Variants in ARAP2 observed in about 807,000 individuals in gnomAD.
ARAP2 encodes arf-GAP with Rho-GAP domain, ANK repeat and PH domain-containing protein 2.
In ARAP2, 148 loss-of-function variants were observed where a neutral mutation model predicts 194.5. The observed-to-expected ratio is 0.76, with a 90% CI of 0.67 to 0.87. ARAP2 has a LOEUF of 0.87. Among genes scored for constraint, ARAP2 ranks in the 40% least tolerant of loss-of-function variants. The pLI is 0.00. For synonymous variants in ARAP2, 695 were observed against 683.5 expected (o/e 1.02, Z -0.26); for missense variants, 2,128 against 1,989.7 (o/e 1.07, Z -1.32).
chr4:36,235,672 T>C (rs979536367), intron 1 of ARAP2, among the ~76,000 whole-genome samples: 6 of 152,206 alleles, frequency 3.9e-5, no homozygotes, highest in African/African-American at 1.2e-4. Context: ...ATTTCTCCCT[T>C]GCTTTGTGAT....
At chr4:36,175,944 C>A (rs1737809560) in intron 9 of ARAP2, among the ~76,000 whole-genome samples, 1 of 152,168 alleles carries the variant, frequency 6.6e-6, no homozygotes, top group East Asian at 1.9e-4. Context: ...GACTTGTGTC[C>A]TTCTCAGTAA....
rs571072990 is a variant in ARAP2 at position 36,201,345 on chromosome 4, G to A, written c.1488-7698C>T. 3.3e-5 allele frequency among the ~76,000 whole-genome samples: 5 copies of A among 152,238 alleles called. No homozygotes were observed. The South Asian group carries it at 1.0e-3, about 32-fold the overall frequency. ...AGTACATTTTATAGCTAAGTACCCA[G>A]GACATCCCTGTAGGTAGTAATAACA... On this transcript the variant is annotated intron_variant, in intron 6 of 32. Transcript: ENST00000303965.
intron 31 of ARAP2, among the ~76,000 whole-genome samples, chr4:36,075,992 G>A (rs893110401): frequency 1.3e-5 from 2 of 152,038 alleles, no homozygotes; most frequent in Admixed American, 6.6e-5. Context: ...CGTCACATGT[G>A]GTGATCTCAC....
chr4:36,124,312 TA>T (rs1286429780), intron 22 of ARAP2, among the ~76,000 whole-genome samples: 22 of 150,674 alleles, frequency 1.5e-4, no homozygotes, highest in East Asian at 9.7e-4. Context: ...TGCTAAGATT[TA>T]AAAAAAAAAC....
intron 10 of ARAP2, among the ~76,000 whole-genome samples, chr4:36,165,803 T>C (rs1735157368): frequency 6.6e-6 from 1 of 152,162 alleles, no homozygotes; most frequent in Non-Finnish European, 1.5e-5. Flanking sequence ...TGCAAAGGAA[T>C]GTGCTACAGT....
At chr4:36,098,993 T>C (rs1716096713) in intron 27 of ARAP2, among the ~76,000 whole-genome samples, 2 of 152,064 alleles carry the variant, frequency 1.3e-5, no homozygotes, top group Admixed American at 1.3e-4. Context: ...ACCCAACCCC[T>C]AGGTATTAAT....
At position 36,147,279 on chromosome 4, in the gene ARAP2, A is replaced by G. The variant is rs182233003; in HGVS notation, c.3263+17T>C. Reference sequence around the variant, plus strand: ...AGAGTTGTTGAGATAAGGAATAAAAAGCAAAAAGGCACTTACCTCCCTTTT... The same window carrying G: ...AGAGTTGTTGAGATAAGGAATAAAAGGCAAAAAGGCACTTACCTCCCTTTT... On this transcript the variant is annotated intron_variant, in intron 19 of 32. Transcript: ENST00000303965. 2.7e-4 allele frequency: 435 copies of G among 1,610,694 alleles called. No homozygotes were observed. The highest frequency in any genetic ancestry group is 3.5e-4 in the Non-Finnish European group (410 of 1,177,260).
chr4:36,191,453 C>T (rs1741882408), intron 7 of ARAP2, among the ~76,000 whole-genome samples: 1 of 150,790 alleles, frequency 6.6e-6, no homozygotes. Flanking sequence ...TCAAAATATA[C>T]TTAACAAGCA....
At chr4:36,204,366 A>AG (rs1164041091) in intron 6 of ARAP2, among the ~76,000 whole-genome samples, 1 of 152,100 alleles carries the variant, frequency 6.6e-6, no homozygotes, top group Non-Finnish European at 1.5e-5. Context: ...AACAATGTTT[A>AG]GGGGGGAAAA....
At chr4:36,007,264 T>C (rs1056820675) in intron 9 of ARAP2, among the ~76,000 whole-genome samples, 1 of 152,148 alleles carries the variant, frequency 6.6e-6, no homozygotes, top group African/African-American at 2.4e-5. Flanking sequence ...TCTTTGTAGA[T>C]GCAATTAAGT....
chr4:36,112,686 G>A (rs990758589), intron 26 of ARAP2, among the ~76,000 whole-genome samples: 2 of 150,524 alleles, frequency 1.3e-5, no homozygotes, highest in African/African-American at 4.9e-5. Flanking sequence ...CTAGACATTA[G>A]AGATTTAAAA....
At chr4:36,024,933 A>G (rs1423929959) in intron 5 of ARAP2, among the ~76,000 whole-genome samples, 1 of 152,186 alleles carries the variant, frequency 6.6e-6, no homozygotes, top group African/African-American at 2.4e-5. Context: ...TGCAAAAGAC[A>G]TCTTCCTGTC....
chr4:36,158,774 G>A lies in ARAP2; in HGVS notation c.2708C>T (p.Pro903Leu), dbSNP rs747170135. The change falls in exon 15 of 33, where the codon CCT (proline) becomes CTT (leucine). Residue 903 changes from proline (P) to leucine (L), a missense_variant. Transcript: ENST00000303965. Reference sequence around the variant, plus strand: ...TGAAGAGAGTTTAGAAGCAGCAGAAGGAGCTTGATATAAAAAGTCACAGAG... The same window carrying A: ...TGAAGAGAGTTTAGAAGCAGCAGAAAGAGCTTGATATAAAAAGTCACAGAG... ...TFLCDFLYQA[P>L]SAASKLSSEK... The A allele has an allele frequency of 6.2e-7, 1 of 1,611,782 alleles. No individual in the cohort carries two copies. Among genetic ancestry groups the A allele is most frequent in the South Asian group, 1.1e-5 (1 of 90,134 alleles).
chr4:36,104,419 C>T (rs1717832795), intron 27 of ARAP2, among the ~76,000 whole-genome samples: 1 of 151,804 alleles, frequency 6.6e-6, no homozygotes, highest in South Asian at 2.1e-4. Context: ...TAAGGTGTAG[C>T]AGAGGTAATG....
At chr4:36,048,861 C>T (rs942203221) in intron 3 of ARAP2, among the ~76,000 whole-genome samples, 6 of 152,086 alleles carry the variant, frequency 3.9e-5, no homozygotes, top group Non-Finnish European at 7.4e-5. Flanking sequence ...CTTTTCTCTG[C>T]AGCCTCATCA....
chr4:36,229,636 CT>C lies in ARAP2; in HGVS notation c.-151del, dbSNP rs889677435. ...ATTTTCTTCACAGTGACTGCTTTAC[CT>C]GCTTAAGCCTAGAAAAAAATAAAAA... On this transcript the variant is annotated 5_prime_UTR_variant, in exon 2 of 33. Transcript: ENST00000303965. 5 of 524,056 alleles carry C rather than the reference CT, an allele frequency of 9.5e-6. No homozygotes were observed. The allele number at this position is 524,056 out of a possible 1,614,324, so 32.5% of individuals were successfully genotyped here.
rs201187251 is a variant in ARAP2, at chr4:36,060,336, C to CT, written n.148-2194_148-2193insA. On this transcript the variant is annotated intron_variant and non_coding_transcript_variant, in intron 1 of 12. Transcript: ENST00000503225. ...GTCTTTACAAGCAGACCCCAACAGTCATTTTGCTGAGTCACAATTTTGAAT... is the reference window on the plus strand; with the variant it reads ...GTCTTTACAAGCAGACCCCAACAGTCTATTTTGCTGAGTCACAATTTTGAAT... 4.6e-5 allele frequency among the ~76,000 whole-genome samples: 7 copies of CT among 152,248 alleles called. No homozygotes were observed. In the East Asian group the frequency reaches 1.3e-3, roughly 29 times the overall value.
At chr4:36,121,735 C>T (rs1042589059) in intron 22 of ARAP2, among the ~76,000 whole-genome samples, 1 of 151,600 alleles carries the variant, frequency 6.6e-6, no homozygotes, top group Non-Finnish European at 1.5e-5. Context: ...AAAGGTAGGT[C>T]ATTAGACATA....
At chr4:36,154,329 T>C (rs1001473091) in intron 15 of ARAP2, among the ~76,000 whole-genome samples, 2 of 152,202 alleles carry the variant, frequency 1.3e-5, no homozygotes, top group Admixed American at 6.5e-5. Context: ...TGGAAAAACA[T>C]GTTTAAGCTA....
Sources: allele counts gnomAD v4.1 joint callset (sites outside exome capture counted in the v4.1 genomes callset), GRCh38; gene constraint gnomAD v4.1.1; transcripts MANE v1.5; gene names NCBI Gene and HGNC (gene_info 2026-07-23, HGNC 2026-07-21).